ITGB3BP: variants seen among roughly 807,000 people sequenced by gnomAD.
ITGB3BP encodes the protein centromere protein R.
Under a neutral mutation model 29.1 loss-of-function variants are expected in ITGB3BP, and 27 were observed. The observed-to-expected ratio is 0.93, with a 90% confidence interval of 0.68 to 1.28. The LOEUF (loss-of-function observed/expected upper bound fraction) is 1.28, where lower values mean the gene tolerates loss of function less well. Ranked by LOEUF, ITGB3BP falls within the 50% of genes most tolerant of loss-of-function variation. ITGB3BP has a pLI of 0.00. For synonymous variants in ITGB3BP, 61 were observed against 61.4 expected, an observed-to-expected ratio of 0.99 and a Z score of 0.03; for missense variants, 192 against 200.2, an observed-to-expected ratio of 0.96 and a Z score of 0.25.
In ITGB3BP at chr1:63,460,029, T is replaced by TC. The variant is rs538974962; in HGVS notation, c.255-5062dup. 7.3e-5 allele frequency among the ~76,000 whole-genome samples: 11 copies of TC among 149,976 alleles called. No individual in the cohort carries two copies. The East Asian group carries it at 9.7e-4, about 13-fold the overall frequency. On this transcript the variant is annotated intron_variant, in intron 4 of 8. Coordinates refer to ENST00000271002, the MANE Select transcript of ITGB3BP (RefSeq NM_014288.5). ...GACATTCTTTGTCAAAAAAAAAAAT[T>TC]CCCCCCCGTGTTTAGCTCTATTTAT...
At chr1:63,495,527 T>G (rs1435854869) in intron 2 of ITGB3BP, among the ~76,000 whole-genome samples, 1 of 152,172 alleles carries the variant, frequency 6.6e-6, no homozygotes, top group Non-Finnish European at 1.5e-5. Flanking sequence ...CATCTGAATT[T>G]CAGTTTCCTC....
chr1:63,441,250 T>A (rs1644726358), intron 8 of ITGB3BP, 147 bp from the exon 9 acceptor site: 1 of 152,224 alleles, frequency 6.6e-6, no homozygotes, highest in African/African-American at 2.4e-5. Context: ...CATTTGCTTT[T>A]TTCTTTTGAG....
chr1:63,451,625 AAAAC>A (rs1375460878), intron 7 of ITGB3BP: 1 of 152,040 alleles, frequency 6.6e-6, no homozygotes, highest in Admixed American at 6.6e-5. Context: ...ACCAAAAAAC[AAAAC>A]AAACAAAAAA....
At chr1:63,472,467 C>CT (rs1645218401) in intron 4 of ITGB3BP, among the ~76,000 whole-genome samples, 1 of 148,044 alleles carries the variant, frequency 6.8e-6, no homozygotes. Context: ...CCCCTCTCCC[C>CT]TCTCCCCTCT....
rs541418806 is a variant in ITGB3BP at position 63,492,467 on chromosome 1, T to TAC, written c.49-2251_49-2250dup. 2.6e-4 allele frequency among the ~76,000 whole-genome samples: 40 copies of TAC among 152,306 alleles called. 1 individual carries two copies. The South Asian group carries it at 8.1e-3, about 31-fold the overall frequency. On this transcript the variant is annotated intron_variant, in intron 2 of 8. Transcript: ENST00000271002. ...CTAAGTTTTCTTTCCCTCAAGGTTG[T>TAC]ACCAAGTTCCTCTAACTTTTAATCT...
At chr1:63,497,980 A>G (rs1454764740) in intron 2 of ITGB3BP, among the ~76,000 whole-genome samples, 2 of 152,112 alleles carry the variant, frequency 1.3e-5, no homozygotes, top group East Asian at 1.9e-4. Flanking sequence ...GGTATTGGGG[A>G]AAAAAACAAA....
chr1:63,510,090 T>C, intron 1 of ITGB3BP: 2 of 620,192 alleles, frequency 3.2e-6, no homozygotes, highest in Non-Finnish European at 3.0e-6. Context: ...CTCCCAAGGC[T>C]GAGGCAGGAG....
chr1:63,494,509 G>C (rs938443412), intron 2 of ITGB3BP, among the ~76,000 whole-genome samples: 1 of 152,110 alleles, frequency 6.6e-6, no homozygotes, highest in Non-Finnish European at 1.5e-5. Flanking sequence ...ATGGAGAACA[G>C]AAACATTTTG....
intron 7 of ITGB3BP, among the ~76,000 whole-genome samples, chr1:63,452,992 G>A (rs562250287): frequency 6.6e-6 from 1 of 152,280 alleles, no homozygotes; most frequent in East Asian, 1.9e-4. Context: ...ATTTGTTTTA[G>A]GAAGAGATAA....
intron 2 of ITGB3BP, among the ~76,000 whole-genome samples, chr1:63,499,930 A>T (rs776459924): frequency 8.5e-5 from 13 of 152,238 alleles, no homozygotes; most frequent in Non-Finnish European, 1.9e-4. Context: ...ATCAGGTACA[A>T]GAAAAGAATG....
chr1:63,489,391 T>A (rs11208225), intron 3 of ITGB3BP, among the ~76,000 whole-genome samples: 1 of 146,004 alleles, frequency 6.8e-6, no homozygotes, highest in Non-Finnish European at 1.5e-5. Flanking sequence ...TACATGTCAC[T>A]GATTCATAAC....
intron 2 of ITGB3BP, among the ~76,000 whole-genome samples, chr1:63,494,982 A>T (rs1009348406): frequency 6.6e-6 from 1 of 151,952 alleles, no homozygotes; most frequent in Non-Finnish European, 1.5e-5. Flanking sequence ...AACAAACAAA[A>T]TTTTTTTAGA....
intron 2 of ITGB3BP, among the ~76,000 whole-genome samples, chr1:63,502,849 T>C (rs997007759): frequency 6.6e-6 from 1 of 152,170 alleles, no homozygotes; most frequent in African/African-American, 2.4e-5. Flanking sequence ...GAACTCATCA[T>C]TTTTTATGGC....
chr1:63,516,393 AAG>A (rs1646328168), intron 1 of ITGB3BP, among the ~76,000 whole-genome samples: 1 of 151,518 alleles, frequency 6.6e-6, no homozygotes, highest in South Asian at 2.1e-4. Context: ...AAGGAAAGAA[AAG>A]AAAGAAAACA....
rs374503721 is a variant in ITGB3BP, at chr1:63,490,171, A to G, written c.96T>C (p.Tyr32=). 50 of 1,597,004 alleles carry G rather than the reference A, an allele frequency of 3.1e-5. No homozygotes were observed. Among genetic ancestry groups the G allele is most frequent in the Non-Finnish European group, 4.2e-5 (49 of 1,165,538 alleles). ...TTTGACAAGTTCCAGTTGTTGGAGA[A>G]TAAGTTATAACACTTTTCTTCCTTG... ...KITRKKSVIT[Y]SPTTGTCQMS... Residue 32 remains tyrosine (Y), a synonymous_variant, in exon 3 of 9, where the codon TAT becomes TAC. Transcript: ENST00000271002.
chr1:63,508,528 A>G lies in ITGB3BP; in HGVS notation c.48T>C (p.Asn16=). The change falls in exon 2 of 9, where the codon AAT becomes AAC. Residue 16 remains asparagine, a splice_region_variant and synonymous_variant. Coordinates refer to ENST00000271002, the MANE Select transcript of ITGB3BP (RefSeq NM_014288.5). ...GACAAACTTTTAAGCAAATACTTAC[A>G]TTTTCTTCTAACAGACCATCCAACT... ...SLKLDGLLEE[N]SFDPSKITRK... 7.1e-7 allele frequency: 1 copy of G among 1,410,664 alleles called. No homozygotes were observed. Among genetic ancestry groups the G allele is most frequent in the East Asian group, 2.5e-5 (1 of 40,532 alleles). 87.4% of individuals were successfully genotyped at this position (1,410,664 alleles called of 1,614,324 possible).
At chr1:63,483,076 A>G (rs1237449868) in intron 3 of ITGB3BP, among the ~76,000 whole-genome samples, 1 of 152,208 alleles carries the variant, frequency 6.6e-6, no homozygotes, top group Non-Finnish European at 1.5e-5. Context: ...AGAAAATTGA[A>G]ATCACTTTTT....
intron 2 of ITGB3BP, among the ~76,000 whole-genome samples, chr1:63,497,555 C>G (rs1053727222): frequency 6.6e-6 from 1 of 152,110 alleles, no homozygotes; most frequent in Non-Finnish European, 1.5e-5. Flanking sequence ...GTGTCTCATC[C>G]TGGGGGGGAG....
chr1:63,514,048 A>T (rs1646257993), intron 1 of ITGB3BP, among the ~76,000 whole-genome samples: 1 of 152,298 alleles, frequency 6.6e-6, no homozygotes, highest in East Asian at 1.9e-4. Context: ...CAAGTCCATA[A>T]TCTATACCAT....
Sources: allele counts gnomAD v4.1 joint callset (sites outside exome capture counted in the v4.1 genomes callset), GRCh38; gene constraint gnomAD v4.1.1; transcripts MANE v1.5; gene names NCBI Gene and HGNC (gene_info 2026-07-23, HGNC 2026-07-21).